ANKRD6: variants seen among roughly 807,000 people sequenced by gnomAD.
ANKRD6 encodes ankyrin repeat domain-containing protein 6.
In ANKRD6, 56 loss-of-function variants were observed where a neutral mutation model predicts 82.3. That is an observed-to-expected ratio of 0.68 (90% CI 0.55 to 0.85). The LOEUF is 0.85. Among genes scored for constraint, ANKRD6 ranks in the 40% least tolerant of loss-of-function variants. The probability of loss-of-function intolerance (pLI) is 0.00; values close to 1 mark genes in which losing one functional copy is unlikely to be tolerated. For missense variants in ANKRD6, 852 were observed against 907.6 expected (o/e 0.94, Z 0.79); for synonymous variants, 347 against 352.1 (o/e 0.99, Z 0.16).
chr6:89,439,794 G>T (rs2127932535), intron 1 of ANKRD6, among the ~76,000 whole-genome samples: 1 of 152,296 alleles, frequency 6.6e-6, no homozygotes, highest in East Asian at 1.9e-4. Flanking sequence ...CGCCTCCTGG[G>T]TTCAAGCAAT....
chr6:89,434,144 G>T (rs1340724963), intron 1 of ANKRD6, among the ~76,000 whole-genome samples: 1 of 152,138 alleles, frequency 6.6e-6, no homozygotes, highest in Non-Finnish European at 1.5e-5. Flanking sequence ...ATGGAGTTCT[G>T]ACTCCACCAC....
chr6:89,511,943 A>T (rs909126154), intron 1 of ANKRD6, among the ~76,000 whole-genome samples: 1 of 151,868 alleles, frequency 6.6e-6, no homozygotes, highest in Non-Finnish European at 1.5e-5. Flanking sequence ...TAAAAACATT[A>T]AAAAAATTTT....
chr6:89,603,132 G>A lies in ANKRD6; in HGVS notation c.318+5G>A. 6.3e-7 allele frequency: 1 copy of A among 1,596,274 alleles called. No individual in the cohort carries two copies. The highest frequency in any genetic ancestry group is 8.5e-7 in the Non-Finnish European group (1 of 1,171,956). Reference sequence around the variant, plus strand: ...GCCCTGGACAGACAAGACAAGGTGAGTGGACACTGAGCTTCCTTACTCCCC... The same window carrying A: ...GCCCTGGACAGACAAGACAAGGTGAATGGACACTGAGCTTCCTTACTCCCC... On this transcript the variant is annotated splice_donor_5th_base_variant and intron_variant, in intron 4 of 15. Transcript: ENST00000339746.
chr6:89,611,382 C>T (rs947561588), intron 5 of ANKRD6, among the ~76,000 whole-genome samples: 1 of 152,218 alleles, frequency 6.6e-6, no homozygotes. Context: ...CTGTGTTTAA[C>T]CTCCTGAGTG....
At chr6:89,571,842 A>G (rs144185515) in intron 2 of ANKRD6, among the ~76,000 whole-genome samples, 1 of 152,324 alleles carries the variant, frequency 6.6e-6, no homozygotes, top group African/African-American at 2.4e-5. Context: ...GGAAAAATGT[A>G]TAATGACATA....
At chr6:89,461,309 A>G (rs952867788) in intron 1 of ANKRD6, among the ~76,000 whole-genome samples, 1 of 152,214 alleles carries the variant, frequency 6.6e-6, no homozygotes, top group Non-Finnish European at 1.5e-5. Context: ...TGGGATAAGC[A>G]GTTTCAGGTA....
chr6:89,588,338 G>C (rs1431296143), intron 2 of ANKRD6, among the ~76,000 whole-genome samples: 1 of 152,074 alleles, frequency 6.6e-6, no homozygotes, highest in African/African-American at 2.4e-5. Context: ...CAACTTTCTT[G>C]CCTCCTACTA....
chr6:89,462,233 AAATAATAATAATAAT>A (rs200608840), intron 1 of ANKRD6, among the ~76,000 whole-genome samples: 1 of 106,036 alleles, frequency 9.4e-6, no homozygotes, highest in Non-Finnish European at 2.0e-5. Flanking sequence ...CTCCATCTCA[AAATAATAATAATAAT>A]AATAATAATA....
At chr6:89,537,681 AG>A (rs1383031867) in intron 1 of ANKRD6, among the ~76,000 whole-genome samples, 1 of 151,866 alleles carries the variant, frequency 6.6e-6, no homozygotes, top group Non-Finnish European at 1.5e-5. Flanking sequence ...GGGGATGCCG[AG>A]GTAGGAGGAT....
chr6:89,437,220 C>G (rs192961713), intron 1 of ANKRD6, among the ~76,000 whole-genome samples: 1 of 152,124 alleles, frequency 6.6e-6, no homozygotes, highest in Admixed American at 6.6e-5. Flanking sequence ...TAAAAGGCCC[C>G]TTTATTTGGA....
At chr6:89,529,240 C>G (rs149210174) in intron 1 of ANKRD6, among the ~76,000 whole-genome samples, 52 of 152,350 alleles carry the variant, frequency 3.4e-4, no homozygotes, top group African/African-American at 1.3e-3. Context: ...ATTATCTTAG[C>G]TAGATTTTCT....
At chr6:89,518,555 T>G (rs1347423822) in intron 1 of ANKRD6, among the ~76,000 whole-genome samples, 1 of 151,894 alleles carries the variant, frequency 6.6e-6, no homozygotes, top group Non-Finnish European at 1.5e-5. Context: ...GATGAACTGA[T>G]GAGTAGGCTT....
intron 2 of ANKRD6, among the ~76,000 whole-genome samples, chr6:89,569,630 C>T (rs375829265): frequency 5.9e-5 from 9 of 152,262 alleles, no homozygotes; most frequent in Admixed American, 3.3e-4. Flanking sequence ...ATTGCTGGGT[C>T]GTATGGCAAA....
chr6:89,609,968 G>A (rs946553598), intron 5 of ANKRD6, among the ~76,000 whole-genome samples: 6 of 152,202 alleles, frequency 3.9e-5, no homozygotes, highest in East Asian at 3.9e-4. Context: ...AAACTCATGC[G>A]TCTCAAAGGG....
chr6:89,512,734 G>A (rs1780701707), intron 1 of ANKRD6, among the ~76,000 whole-genome samples: 6 of 152,200 alleles, frequency 3.9e-5, no homozygotes, highest in Admixed American at 6.5e-5. Flanking sequence ...TGTGCAGCAT[G>A]TTGCACATAA....
intron 1 of ANKRD6, among the ~76,000 whole-genome samples, chr6:89,464,919 T>A (rs1463599143): frequency 6.6e-6 from 1 of 151,976 alleles, no homozygotes; most frequent in African/African-American, 2.4e-5. Flanking sequence ...GGAAGAATGG[T>A]GGTAGAGAAG....
intron 2 of ANKRD6, among the ~76,000 whole-genome samples, chr6:89,574,059 C>T (rs1048984769): frequency 6.6e-6 from 1 of 152,208 alleles, no homozygotes; most frequent in African/African-American, 2.4e-5. Context: ...GTCTCTCTTA[C>T]ATTTATCTGT....
chr6:89,598,853 T>G (rs761137197), intron 3 of ANKRD6, among the ~76,000 whole-genome samples: 2 of 152,140 alleles, frequency 1.3e-5, no homozygotes, highest in Non-Finnish European at 2.9e-5. Context: ...TGGCTATGCT[T>G]TACTTTATGA....
Position 89,533,844 on chromosome 6 carries a change from A to G in ANKRD6, c.-143-32990A>G, listed in dbSNP as rs951416705. ...GCCTGTCTTCCACTTACAGTGACTG[A>G]GTGGGAGCCAATTGGGGAAGCTGCT... is the stretch of plus-strand genomic sequence containing the variant. On this transcript the variant is annotated intron_variant, in intron 1 of 15. Transcript: ENST00000339746. Among the ~76,000 whole-genome samples, 3 of 151,702 alleles carry G rather than the reference A, an allele frequency of 2.0e-5. No homozygotes were observed. The East Asian group carries it at 5.8e-4, about 29-fold the overall frequency.
Sources: allele counts gnomAD v4.1 joint callset (sites outside exome capture counted in the v4.1 genomes callset), GRCh38; gene constraint gnomAD v4.1.1; transcripts MANE v1.5; gene names NCBI Gene and HGNC (gene_info 2026-07-23, HGNC 2026-07-21).